Variants in FAM228B observed in about 807,000 individuals in gnomAD.
The protein encoded by FAM228B is family with sequence similarity 228 member B.
In FAM228B, 38 loss-of-function variants were observed where a neutral mutation model predicts 42.6. The observed-to-expected ratio is 0.89, with a 90% CI of 0.69 to 1.17. The LOEUF (loss-of-function observed/expected upper bound fraction) is 1.17, where lower values mean the gene tolerates loss of function less well. FAM228B is among the 50% of genes most tolerant of loss of function. The pLI is 0.00. For missense variants in FAM228B, 344 were observed against 367.3 expected (o/e 0.94, Z 0.52); for synonymous variants, 109 against 122.3 (o/e 0.89, Z 0.72).
chr2:24,122,170 A>T (rs1371598343), upstream of FAM228B, among the ~76,000 whole-genome samples: 1 of 152,086 alleles, frequency 6.6e-6, no homozygotes, highest in African/African-American at 2.4e-5. Flanking sequence ...CATCTCTACT[A>T]AAAATACAAA....
At chr2:24,090,562 CAAAAAA>C (rs58611623) in intron 2 of FAM228B, among the ~76,000 whole-genome samples, 3 of 81,638 alleles carry the variant, frequency 3.7e-5, no homozygotes, top group African/African-American at 1.0e-4. Context: ...CCTCCCATCT[CAAAAAA>C]AAAAAAAAAA....
chr2:24,114,557 G>A (rs1053592994), intron 3 of FAM228B, among the ~76,000 whole-genome samples: 16 of 152,068 alleles, frequency 1.1e-4, no homozygotes, highest in African/African-American at 3.1e-4. Flanking sequence ...AGTCATTATC[G>A]TCATGATATA....
chr2:24,120,222 T>C (rs1666060747), upstream of FAM228B, among the ~76,000 whole-genome samples: 1 of 151,756 alleles, frequency 6.6e-6, no homozygotes, highest in Non-Finnish European at 1.5e-5. Context: ...TGAGCCGAGA[T>C]CGTGCCATTG....
At chr2:24,090,157 A>G (rs1351345131) in intron 2 of FAM228B, among the ~76,000 whole-genome samples, 2 of 151,216 alleles carry the variant, frequency 1.3e-5, no homozygotes, top group African/African-American at 4.9e-5. Context: ...AGTCCCAGTT[A>G]CTCGGGAGGT....
Position 24,146,748 on chromosome 2 carries a change from G to A in FAM228B, c.442G>A (p.Val148Ile), listed in dbSNP as rs1318574258. Residue 148 changes from valine (V) to isoleucine (I), a missense_variant and splice_region_variant, in exon 6 of 11, where the codon GTT becomes ATT. Val to Ile is a conservative substitution (Grantham distance 29). Coordinates refer to ENST00000615575, the MANE Select transcript of FAM228B (RefSeq NM_001145710.2). The stretch of plus-strand genomic sequence containing the variant: ...GCTTAAACAAGTGCCTCTCTTGTAG[G>A]TTACCATCCCACCATTTCATGACCC... Reference protein sequence around the residue: ...MSKKDPNFLKVTIPPFHDPLK... With the variant: ...MSKKDPNFLKITIPPFHDPLK... The A allele has an allele frequency of 1.3e-6, 2 of 1,546,572 alleles. No homozygotes were observed. The highest frequency in any genetic ancestry group is 1.7e-6 in the Non-Finnish European group (2 of 1,144,172).
chr2:24,164,122 T>A (rs1312210493), intron 8 of FAM228B, 76 bp from the exon 9 acceptor site: 8 of 1,326,978 alleles, frequency 6.0e-6, no homozygotes, highest in Non-Finnish European at 8.0e-6. Flanking sequence ...CAACTTCAAA[T>A]TTAAATAAAA....
rs1349413092 is a variant in FAM228B at position 24,077,888 on chromosome 2, C to G, written c.-290+919C>G. On this transcript the variant is annotated intron_variant, in intron 1 of 10. Transcript: ENST00000613899. This position sits in a 1 kb window ranked among gnomAD's most constrained non-coding sequence, Gnocchi z 5.5. The stretch of plus-strand genomic sequence containing the variant: ...AAAAGCACACAGGGACACTTAACCC[C>G]TCACTTCCTAGCATGTGTGTGAAAT... 4 of 970,114 alleles carry G rather than the reference C, an allele frequency of 4.1e-6. No individual in the cohort carries two copies. Among genetic ancestry groups the G allele is most frequent in the Non-Finnish European group, 6.1e-6 (4 of 655,342 alleles). The allele number at this position is 970,114 out of a possible 1,614,324, so 60.1% of individuals were successfully genotyped here. A position where few individuals can be genotyped will look rare whatever the true frequency, so the allele number is the denominator to read the frequency against.
At chr2:24,139,349 C>T (rs769095994) in intron 4 of FAM228B, 21 bp from the exon 5 acceptor site, 14 of 1,414,456 alleles carry the variant, frequency 9.9e-6, no homozygotes, top group Middle Eastern at 1.8e-4. Context: ...TCTTGTGTAT[C>T]GTTTTATTTC....
intron 3 of FAM228B, among the ~76,000 whole-genome samples, chr2:24,103,174 T>C (rs1208437033): frequency 6.6e-6 from 1 of 152,190 alleles, no homozygotes; most frequent in Non-Finnish European, 1.5e-5. Context: ...ACCTTACAGT[T>C]CTTTTGCTCC....
At chr2:24,086,393 C>A (rs79053679) in intron 2 of FAM228B, among the ~76,000 whole-genome samples, 1 of 152,116 alleles carries the variant, frequency 6.6e-6, no homozygotes, top group East Asian at 1.9e-4. Flanking sequence ...AACAAAAATG[C>A]ATGCCTATAT....
At position 24,135,170 on chromosome 2, in the gene FAM228B, G is replaced by GA; in HGVS notation, c.155dup (p.Asn52LysfsTer5). On this transcript the variant is annotated frameshift_variant, in exon 3 of 11. Transcript: ENST00000615575. LOFTEE classifies it high-confidence loss of function. Reference sequence around the variant, plus strand: ...AGCTATTCAATCAATATTATACAAAGAAAATTCTGTAATTAAGGTAAGAAT... The same window carrying GA: ...AGCTATTCAATCAATATTATACAAAGAAAAATTCTGTAATTAAGGTAAGAAT... 4 of 1,492,590 alleles carry GA rather than the reference G, an allele frequency of 2.7e-6. No homozygotes were observed. The highest frequency in any genetic ancestry group is 3.6e-6 in the Non-Finnish European group (4 of 1,106,940). 92.5% of individuals were successfully genotyped at this position (1,492,590 alleles called of 1,614,324 possible).
At chr2:24,145,800 T>G (rs1291265243) in intron 5 of FAM228B, among the ~76,000 whole-genome samples, 1 of 151,418 alleles carries the variant, frequency 6.6e-6, no homozygotes, top group Non-Finnish European at 1.5e-5. Flanking sequence ...GGCATTCTCC[T>G]GCCTTGGCCT....
At chr2:24,082,929 A>G (rs1665069713) in intron 2 of FAM228B, 1 of 1,613,080 alleles carries the variant, frequency 6.2e-7, no homozygotes, top group South Asian at 1.1e-5. Context: ...GGCCTCTGGG[A>G]TGGCTGCAGC....
chr2:24,079,578 A>C (rs151162401), intron 1 of FAM228B: 1 of 1,614,184 alleles, frequency 6.2e-7, no homozygotes, highest in African/African-American at 1.3e-5. Flanking sequence ...AGAGCCAGGC[A>C]GTTGACGTTC....
At chr2:24,079,637 G>C (rs1488666964) in intron 1 of FAM228B, 2 of 1,613,358 alleles carry the variant, frequency 1.2e-6, no homozygotes, top group Non-Finnish European at 1.7e-6. Flanking sequence ...ATTAACTCCA[G>C]CACCTTCCAT....
At chr2:24,081,852 C>T (rs558652150) in intron 2 of FAM228B, among the ~76,000 whole-genome samples, 85 of 152,084 alleles carry the variant, frequency 5.6e-4, no homozygotes, top group African/African-American at 1.8e-3. Flanking sequence ...CCCACCACCA[C>T]GCCCAGCTAA....
At chr2:24,147,129 T>C in intron 7 of FAM228B, 43 bp downstream of exon 7, 1 of 1,341,490 alleles carries the variant, frequency 7.5e-7, no homozygotes, top group Non-Finnish European at 1.0e-6. Flanking sequence ...TTTTGGACTT[T>C]GAAAATTCTT....
chr2:24,087,966 C>T (rs1014312602), intron 2 of FAM228B, among the ~76,000 whole-genome samples: 2 of 152,036 alleles, frequency 1.3e-5, no homozygotes, highest in African/African-American at 4.8e-5. Flanking sequence ...TGGTCGCAAA[C>T]TCCTGAGCTT....
At chr2:24,154,212 G>A (rs1209864082) in intron 7 of FAM228B, among the ~76,000 whole-genome samples, 1 of 152,238 alleles carries the variant, frequency 6.6e-6, no homozygotes, top group Non-Finnish European at 1.5e-5. Context: ...GCTTTTCTGT[G>A]TGCAGATAGA....
Sources: allele counts gnomAD v4.1 joint callset (sites outside exome capture counted in the v4.1 genomes callset), GRCh38; gene constraint gnomAD v4.1.1; non-coding constraint Gnocchi (gnomAD v3.1); transcripts MANE v1.5; gene names NCBI Gene and HGNC (gene_info 2026-07-23, HGNC 2026-07-21).